ROR1: variants seen among roughly 807,000 people sequenced by gnomAD.
The protein encoded by ROR1 is ROR family WNT receptor 1.
A neutral mutation model predicts 78.8 loss-of-function variants in ROR1; 19 were observed. The ratio of observed to expected loss-of-function variants is 0.24; its 90% CI spans 0.17 to 0.35. ROR1 has a LOEUF of 0.35. ROR1 is among the 10% of genes least tolerant of loss of function. ROR1 has a pLI of 1.00. For missense variants in ROR1, 917 were observed against 1,177.8 expected, an observed-to-expected ratio of 0.78 and a Z score of 3.24; for synonymous variants, 386 against 433.6, an observed-to-expected ratio of 0.89 and a Z score of 1.36.
chr1:63,917,902 T>A (rs896055137), intron 1 of ROR1, among the ~76,000 whole-genome samples: 1 of 152,154 alleles, frequency 6.6e-6, no homozygotes, highest in Non-Finnish European at 1.5e-5. Context: ...GTCTTGGGAT[T>A]ATCTAGGAGC....
chr1:63,916,366 G>A (rs1219676255), intron 1 of ROR1, among the ~76,000 whole-genome samples: 1 of 152,148 alleles, frequency 6.6e-6, no homozygotes, highest in Non-Finnish European at 1.5e-5. Context: ...AAGGAGTAGG[G>A]GTTAAGGGAG....
chr1:63,965,455 A>G (rs1453056291), intron 1 of ROR1, among the ~76,000 whole-genome samples: 2 of 152,172 alleles, frequency 1.3e-5, no homozygotes, highest in Non-Finnish European at 2.9e-5. Flanking sequence ...CTCCCCAGAC[A>G]TTACATTTGC....
chr1:63,776,988 G>A lies in ROR1; in HGVS notation c.91+2480G>A, dbSNP rs149361075. 3.9e-5 allele frequency among the ~76,000 whole-genome samples: 6 copies of A among 152,218 alleles called. No homozygotes were observed. In the East Asian group the frequency reaches 1.2e-3, roughly 29 times the overall value. The stretch of plus-strand genomic sequence containing the variant: ...CAGCTTAAGCGGAGATATGTTTCAT[G>A]TATTTATTTAAAAAGATACAAAACA... On this transcript the variant is annotated intron_variant, in intron 1 of 8. Coordinates refer to ENST00000371079, the MANE Select transcript of ROR1 (RefSeq NM_005012.4).
intron 1 of ROR1, among the ~76,000 whole-genome samples, chr1:63,933,101 A>C (rs551153480): frequency 1.3e-5 from 2 of 152,032 alleles, no homozygotes; most frequent in African/African-American, 4.8e-5. Flanking sequence ...CCTCTTTTTA[A>C]TTTTCCCTAA....
intron 7 of ROR1, among the ~76,000 whole-genome samples, chr1:64,145,924 C>A (rs978604099): frequency 1.3e-5 from 2 of 152,196 alleles, no homozygotes; most frequent in African/African-American, 4.8e-5. Context: ...GGTCATCCAG[C>A]TAGTAAATGG....
chr1:64,029,255 G>A (rs1270954658), intron 2 of ROR1, among the ~76,000 whole-genome samples: 2 of 152,078 alleles, frequency 1.3e-5, no homozygotes, highest in Non-Finnish European at 2.9e-5. Context: ...CATTAACAAA[G>A]AAGAAATCTG....
At chr1:64,002,223 T>C (rs935717923) in intron 1 of ROR1, among the ~76,000 whole-genome samples, 5 of 146,908 alleles carry the variant, frequency 3.4e-5, no homozygotes, top group Non-Finnish European at 7.4e-5. Flanking sequence ...AACCTCTGAC[T>C]CCCTGGTTCA....
chr1:64,061,270 G>A (rs1355077683), intron 4 of ROR1, among the ~76,000 whole-genome samples: 1 of 152,110 alleles, frequency 6.6e-6, no homozygotes, highest in East Asian at 1.9e-4. Context: ...CTTTTGATTA[G>A]CTGTTTTTAA....
intron 1 of ROR1, among the ~76,000 whole-genome samples, chr1:63,797,857 C>CT (rs57125292): frequency 0.24 from 34,008 of 139,856 alleles, 4,347 homozygotes; most frequent in African/African-American, 0.34. Context: ...GTAGTCTTGT[C>CT]TTTTTTTTTT....
chr1:64,069,380 C>T (rs962842509), intron 4 of ROR1, among the ~76,000 whole-genome samples: 2 of 152,122 alleles, frequency 1.3e-5, no homozygotes, highest in Non-Finnish European at 2.9e-5. Context: ...CTACAGAACT[C>T]GTAACTTCTC....
At chr1:64,087,584 T>C (rs943765219) in intron 4 of ROR1, among the ~76,000 whole-genome samples, 4 of 150,946 alleles carry the variant, frequency 2.6e-5, no homozygotes, top group Non-Finnish European at 5.9e-5. Flanking sequence ...ATTTACATTC[T>C]TCAATCTACA....
chr1:64,161,341 C>T (rs1212516816), intron 8 of ROR1, among the ~76,000 whole-genome samples: 4 of 152,124 alleles, frequency 2.6e-5, no homozygotes, highest in East Asian at 3.8e-4. Flanking sequence ...TTGCAGAATC[C>T]GTGATAACTT....
At chr1:63,810,039 G>T (rs1644851023) in intron 1 of ROR1, among the ~76,000 whole-genome samples, 1 of 152,160 alleles carries the variant, frequency 6.6e-6, no homozygotes, top group Non-Finnish European at 1.5e-5. Flanking sequence ...GCTTGCCCAG[G>T]TTCAATGGAG....
At chr1:63,989,018 C>G (rs145872979) in intron 1 of ROR1, among the ~76,000 whole-genome samples, 25 of 152,202 alleles carry the variant, frequency 1.6e-4, no homozygotes, top group African/African-American at 6.0e-4. Flanking sequence ...AAGTGGAATT[C>G]CTAGATTACA....
intron 2 of ROR1, among the ~76,000 whole-genome samples, chr1:64,027,825 T>C (rs921876413): frequency 6.6e-6 from 1 of 151,988 alleles, no homozygotes; most frequent in Non-Finnish European, 1.5e-5. Context: ...GTATCTGGGA[T>C]TACAGGCACC....
intron 1 of ROR1, among the ~76,000 whole-genome samples, chr1:63,895,726 C>A (rs1645433958): frequency 6.6e-6 from 1 of 152,134 alleles, no homozygotes; most frequent in African/African-American, 2.4e-5. Context: ...AGATCATTAA[C>A]CGTGAACATT....
intron 1 of ROR1, among the ~76,000 whole-genome samples, chr1:63,808,969 G>A (rs1156703128): frequency 2.0e-5 from 3 of 151,950 alleles, no homozygotes; most frequent in Non-Finnish European, 4.4e-5. Context: ...AATTATCAGC[G>A]TGGACCTTGG....
intron 1 of ROR1, among the ~76,000 whole-genome samples, chr1:63,882,620 C>T (rs912413781): frequency 6.6e-6 from 1 of 152,068 alleles, no homozygotes; most frequent in Non-Finnish European, 1.5e-5. Context: ...TGTACAAGAG[C>T]AGGATGGAAG....
chr1:64,163,222 A>AACACACACACACACACAC lies in ROR1; in HGVS notation c.1386+4058_1386+4075dup, dbSNP rs57880828. 1.3e-3 allele frequency among the ~76,000 whole-genome samples: 184 copies of AACACACACACACACACAC among 137,756 alleles called. 3 individuals are homozygous for AACACACACACACACACAC. Among genetic ancestry groups the AACACACACACACACACAC allele is most frequent in the African/African-American group, 4.9e-3 (177 of 36,312 alleles). The allele number at this position is 137,756 out of a possible 152,430, so 90.4% of individuals were successfully genotyped here. A position where few individuals can be genotyped will look rare whatever the true frequency, so the allele number is the denominator to read the frequency against. Reference sequence around the variant, plus strand: ...AACATGGGGAAACCCCATCTCTACAAACACACACACACACACACACACACA... The same window carrying AACACACACACACACACAC: ...AACATGGGGAAACCCCATCTCTACAAACACACACACACACACACACACACACACACACACACACACACA... On this transcript the variant is annotated intron_variant, in intron 8 of 8. Coordinates refer to ENST00000371079, the MANE Select transcript of ROR1 (RefSeq NM_005012.4).
Sources: allele counts gnomAD v4.1 joint callset (sites outside exome capture counted in the v4.1 genomes callset), GRCh38; gene constraint gnomAD v4.1.1; transcripts MANE v1.5; gene names NCBI Gene and HGNC (gene_info 2026-07-23, HGNC 2026-07-21).